Variants in XKR4 observed in about 807,000 individuals in gnomAD.
XKR4 encodes XK-related protein 4.
Under a neutral mutation model 53.9 loss-of-function variants are expected in XKR4, and 12 were observed. That is an observed-to-expected ratio of 0.22 (90% CI 0.14 to 0.36). The LOEUF (loss-of-function observed/expected upper bound fraction) is 0.36. Among genes scored for constraint, XKR4 ranks in the 10% least tolerant of loss-of-function variants. The pLI is 1.00. For missense variants in XKR4, 799 were observed against 859.5 expected (o/e 0.93, Z 0.88); for synonymous variants, 354 against 362.4 (o/e 0.98, Z 0.26).
chr8:55,290,418 C>CTTTAT (rs764815409), intron 1 of XKR4, among the ~76,000 whole-genome samples: 3 of 152,086 alleles, frequency 2.0e-5, no homozygotes, highest in Non-Finnish European at 4.4e-5. Flanking sequence ...GCACGAGCCA[C>CTTTAT]TTTATTTTAT....
At chr8:55,362,095 A>C (rs1803916365) in intron 2 of XKR4, among the ~76,000 whole-genome samples, 1 of 152,206 alleles carries the variant, frequency 6.6e-6, no homozygotes, top group Non-Finnish European at 1.5e-5. Context: ...TAAATGAGAG[A>C]GTACACACAA....
chr8:55,354,999 G>T (rs1214691180), intron 1 of XKR4, among the ~76,000 whole-genome samples: 2 of 151,716 alleles, frequency 1.3e-5, no homozygotes, highest in African/African-American at 4.8e-5. Context: ...CGCCTCCTGG[G>T]TTCAAGTGAT....
chr8:55,112,961 G>GT (rs1355184914), intron 1 of XKR4, among the ~76,000 whole-genome samples: 3 of 152,034 alleles, frequency 2.0e-5, no homozygotes, highest in African/African-American at 7.2e-5. Flanking sequence ...TCTACTACTC[G>GT]TAAGAGTGGC....
intron 2 of XKR4, among the ~76,000 whole-genome samples, chr8:55,512,274 G>T (rs527281893): frequency 6.6e-6 from 1 of 152,168 alleles, no homozygotes; most frequent in East Asian, 1.9e-4. Flanking sequence ...CTCAGGGATC[G>T]TACACGCACC....
At chr8:55,488,157 G>T (rs1806222386) in intron 2 of XKR4, among the ~76,000 whole-genome samples, 1 of 152,176 alleles carries the variant, frequency 6.6e-6, no homozygotes, top group Non-Finnish European at 1.5e-5. Context: ...CACGGACAAT[G>T]AGTTACTCCT....
intron 1 of XKR4, among the ~76,000 whole-genome samples, chr8:55,232,751 G>A (rs1010688012): frequency 6.6e-6 from 1 of 152,180 alleles, no homozygotes; most frequent in African/African-American, 2.4e-5. Context: ...GACAGCATCT[G>A]TTTTGCCCTC....
intron 1 of XKR4, among the ~76,000 whole-genome samples, chr8:55,322,685 G>A (rs1803232465): frequency 6.6e-6 from 1 of 152,192 alleles, no homozygotes; most frequent in Non-Finnish European, 1.5e-5. Context: ...TGAGTATAGA[G>A]TAGTATCTCA....
intron 2 of XKR4, among the ~76,000 whole-genome samples, chr8:55,399,508 G>A (rs1804568657): frequency 6.6e-6 from 1 of 152,106 alleles, no homozygotes; most frequent in Non-Finnish European, 1.5e-5. Context: ...CTTTCTTGCT[G>A]TTTCTCTCTG....
At chr8:55,508,316 C>T (rs201030280) in intron 2 of XKR4, among the ~76,000 whole-genome samples, 9 of 151,964 alleles carry the variant, frequency 5.9e-5, no homozygotes, top group African/African-American at 2.2e-4. Context: ...TTTTTATCAG[C>T]AAAAACAGCA....
intron 2 of XKR4, chr8:55,451,679 GC>G (rs1805449434): frequency 2.6e-6 from 4 of 1,532,618 alleles, no homozygotes; most frequent in African/African-American, 2.7e-5. Context: ...ACGATCAGCA[GC>G]CCCGGGTACC....
At chr8:55,348,152 A>G (rs1312855435) in intron 1 of XKR4, among the ~76,000 whole-genome samples, 2 of 152,152 alleles carry the variant, frequency 1.3e-5, no homozygotes, top group East Asian at 1.9e-4. Context: ...ATCTAACCCA[A>G]TGTGACAAAA....
At chr8:55,294,911 ACCCAATGAATCCAGTGTCCCTTTG>A (rs1351238374) in intron 1 of XKR4, among the ~76,000 whole-genome samples, 17 of 152,238 alleles carry the variant, frequency 1.1e-4, no homozygotes, top group Non-Finnish European at 2.4e-4. Flanking sequence ...TGAAAATATT[ACCCAATGAATCCAGTGTCCCTTTG>A]CACATTAAGT....
At chr8:55,435,205 C>T (rs1805156705) in intron 2 of XKR4, among the ~76,000 whole-genome samples, 1 of 152,118 alleles carries the variant, frequency 6.6e-6, no homozygotes, top group African/African-American at 2.4e-5. Flanking sequence ...ACATTCAGTC[C>T]GCTTATAGGG....
At chr8:55,484,701 T>C (rs907796559) in intron 2 of XKR4, among the ~76,000 whole-genome samples, 9 of 152,214 alleles carry the variant, frequency 5.9e-5, no homozygotes, top group African/African-American at 1.9e-4. Flanking sequence ...AATCATTAGA[T>C]TGAGTAAAGA....
At chr8:55,333,366 T>C (rs1343420449) in intron 1 of XKR4, among the ~76,000 whole-genome samples, 1 of 152,130 alleles carries the variant, frequency 6.6e-6, no homozygotes, top group Non-Finnish European at 1.5e-5. Flanking sequence ...AAACTGGCTC[T>C]ATGGAGGGGA....
chr8:55,487,423 A>G (rs537169504), intron 2 of XKR4, among the ~76,000 whole-genome samples: 75 of 151,810 alleles, frequency 4.9e-4, no homozygotes, highest in African/African-American at 1.7e-3. Flanking sequence ...ACCCTCACAG[A>G]CACACCCAAA....
intron 2 of XKR4, among the ~76,000 whole-genome samples, chr8:55,358,938 A>G (rs895327325): frequency 6.6e-6 from 1 of 152,200 alleles, no homozygotes; most frequent in African/African-American, 2.4e-5. Flanking sequence ...TGGGGGACAG[A>G]ATCAGGGTGC....
intron 1 of XKR4, among the ~76,000 whole-genome samples, chr8:55,281,584 C>T (rs1004552956): frequency 6.6e-6 from 1 of 152,210 alleles, no homozygotes; most frequent in African/African-American, 2.4e-5. Flanking sequence ...TCAAGTTCAT[C>T]AACCTGTAAG....
chr8:55,297,557 C>T (rs1226983706), intron 1 of XKR4, among the ~76,000 whole-genome samples: 1 of 152,094 alleles, frequency 6.6e-6, no homozygotes, highest in African/African-American at 2.4e-5. Flanking sequence ...GATAAAAAAG[C>T]TCATCCTTAC....
Sources: allele counts gnomAD v4.1 joint callset (sites outside exome capture counted in the v4.1 genomes callset), GRCh38; gene constraint gnomAD v4.1.1; transcripts MANE v1.5; gene names NCBI Gene and HGNC (gene_info 2026-07-23, HGNC 2026-07-21).